The following ARHGAP15 variants were observed in gnomAD, a reference collection of about 807,000 sequenced individuals.
The protein encoded by ARHGAP15 is rho GTPase-activating protein 15.
In ARHGAP15, 51 loss-of-function variants were observed where a neutral mutation model predicts 63.7. That is an observed-to-expected ratio of 0.80 (90% CI 0.64 to 1.01). ARHGAP15 has a LOEUF of 1.01. Ranked by LOEUF, ARHGAP15 falls within the 50% of genes least tolerant of loss-of-function variation. The probability of loss-of-function intolerance (pLI) is 0.00; values close to 1 mark genes in which losing one functional copy is unlikely to be tolerated. For missense variants in ARHGAP15, 560 were observed against 564.6 expected (o/e 0.99, Z 0.08); for synonymous variants, 191 against 193.8 (o/e 0.99, Z 0.12).
intron 13 of ARHGAP15, among the ~76,000 whole-genome samples, chr2:143,723,678 TCAACTTAA>T (rs1685160397): frequency 6.6e-6 from 1 of 152,108 alleles, no homozygotes; most frequent in Admixed American, 6.5e-5. Context: ...CACACATCGG[TCAACTTAA>T]CAAAAACCAT....
intron 12 of ARHGAP15, chr2:143,656,296 A>G (rs760585535): frequency 6.6e-6 from 1 of 152,236 alleles, no homozygotes; most frequent in Non-Finnish European, 1.5e-5. Flanking sequence ...CCAACCTATC[A>G]GAGCTAACTA....
intron 12 of ARHGAP15, among the ~76,000 whole-genome samples, chr2:143,667,290 AATC>A (rs1682258410): frequency 1.3e-5 from 2 of 149,814 alleles, no homozygotes; most frequent in South Asian, 4.4e-4. Context: ...TGAAATTGGA[AATC>A]ATCATTCTCA....
rs565234948 is a variant in ARHGAP15, at chr2:143,364,533, A to G, written c.475-71068A>G. On this transcript the variant is annotated intron_variant, in intron 6 of 13. Transcript: ENST00000295095. ...TATGTGCTAGACAATTACAAGTATGATATTATAAGTACCAAGTAAATGCTG... is the reference window on the plus strand; with the variant it reads ...TATGTGCTAGACAATTACAAGTATGGTATTATAAGTACCAAGTAAATGCTG... Among the ~76,000 whole-genome samples, 4 of 152,342 alleles carry G rather than the reference A, an allele frequency of 2.6e-5. No individual in the cohort carries two copies. The East Asian group carries it at 5.8e-4, about 22-fold the overall frequency.
chr2:143,739,310 C>A (rs1158349314), intron 13 of ARHGAP15, among the ~76,000 whole-genome samples: 2 of 152,056 alleles, frequency 1.3e-5, no homozygotes, highest in Non-Finnish European at 2.9e-5. Flanking sequence ...AGATTCTGGT[C>A]CTCATGGGAA....
intron 6 of ARHGAP15, among the ~76,000 whole-genome samples, chr2:143,414,454 AT>A (rs1229229880): frequency 6.6e-6 from 1 of 152,130 alleles, no homozygotes; most frequent in African/African-American, 2.4e-5. Context: ...AATATTAATT[AT>A]TTTTAGGAAA....
chr2:143,425,478 A>G (rs962949762), intron 6 of ARHGAP15, among the ~76,000 whole-genome samples: 2 of 152,014 alleles, frequency 1.3e-5, no homozygotes, highest in East Asian at 3.9e-4. Flanking sequence ...CCTATATATC[A>G]TATATAGTGA....
intron 1 of ARHGAP15, among the ~76,000 whole-genome samples, chr2:143,153,938 C>T (rs916962293): frequency 1.4e-5 from 2 of 143,336 alleles, no homozygotes; most frequent in South Asian, 2.3e-4. Flanking sequence ...TTTCACTCAG[C>T]GGAATAGATT....
chr2:143,738,592 C>T (rs1007319991), intron 13 of ARHGAP15, among the ~76,000 whole-genome samples: 5 of 152,094 alleles, frequency 3.3e-5, no homozygotes, highest in South Asian at 4.1e-4. Context: ...TCTGTAGTCA[C>T]GATAATGTCA....
intron 8 of ARHGAP15, among the ~76,000 whole-genome samples, chr2:143,472,414 T>A (rs1691621812): frequency 1.3e-5 from 2 of 152,164 alleles, no homozygotes; most frequent in African/African-American, 2.4e-5. Context: ...GAATTGGGTA[T>A]GCAATGCGTC....
At chr2:143,169,331 C>G (rs1181003340) in intron 2 of ARHGAP15, among the ~76,000 whole-genome samples, 3 of 151,970 alleles carry the variant, frequency 2.0e-5, no homozygotes, top group Non-Finnish European at 4.4e-5. Context: ...AGCCAGGCCC[C>G]CTTCATGGGG....
chr2:143,149,246 C>T lies in ARHGAP15; in HGVS notation c.-14-6231C>T, dbSNP rs937408623. Among the ~76,000 whole-genome samples the T allele has an allele frequency of 2.0e-5, 3 of 151,988 alleles. No individual in the cohort carries two copies. The South Asian group carries it at 6.2e-4, about 31-fold the overall frequency. On this transcript the variant is annotated intron_variant, in intron 1 of 13. Coordinates refer to ENST00000295095, the MANE Select transcript of ARHGAP15 (RefSeq NM_018460.4). ...CATGTTTAGGCAGAGGGGACCTTCG[C>T]TCCTCGTGGTGGACCTTCGCTCCTC...
chr2:143,243,980 A>G (rs1373242047), intron 5 of ARHGAP15, among the ~76,000 whole-genome samples: 1 of 152,106 alleles, frequency 6.6e-6, no homozygotes, highest in East Asian at 1.9e-4. Context: ...CCAAATCTCT[A>G]TTAGCTTTGA....
At chr2:143,311,593 T>C (rs778832148) in intron 6 of ARHGAP15, among the ~76,000 whole-genome samples, 2 of 152,106 alleles carry the variant, frequency 1.3e-5, no homozygotes, top group Non-Finnish European at 2.9e-5. Context: ...CAAACAGCAA[T>C]ATGGGAGAGT....
At chr2:143,595,037 T>G (rs2105178275) in intron 11 of ARHGAP15, among the ~76,000 whole-genome samples, 1 of 152,276 alleles carries the variant, frequency 6.6e-6, no homozygotes, top group Admixed American at 6.5e-5. Flanking sequence ...TCAAGGCATA[T>G]TATAATCCAT....
intron 12 of ARHGAP15, among the ~76,000 whole-genome samples, chr2:143,694,073 G>A (rs746034576): frequency 4.6e-5 from 7 of 152,176 alleles, no homozygotes; most frequent in Admixed American, 2.6e-4. Context: ...TATACAGAAT[G>A]TGCAGGAAAG....
chr2:143,477,648 CA>C (rs1459212332), intron 8 of ARHGAP15, among the ~76,000 whole-genome samples: 7 of 150,298 alleles, frequency 4.7e-5, no homozygotes, highest in Admixed American at 1.3e-4. Context: ...AGTTGGAATT[CA>C]AAATCCAAAG....
Position 143,666,755 on chromosome 2 carries a change from C to T in ARHGAP15, c.1139-36664C>T, listed in dbSNP as rs578155588. 1.8e-4 allele frequency among the ~76,000 whole-genome samples: 26 copies of T among 144,304 alleles called. No individual in the cohort carries two copies. The East Asian group carries it at 4.8e-3, about 26-fold the overall frequency. The allele number at this position is 144,304 out of a possible 152,430, so 94.7% of individuals were successfully genotyped here. On this transcript the variant is annotated intron_variant, in intron 12 of 13. Transcript: ENST00000295095. ...ACAAACAACCCCATCAGAAAGTGGGCTAAGGACATGAACAGAGACTTCTCA... is the reference window on the plus strand; with the variant it reads ...ACAAACAACCCCATCAGAAAGTGGGTTAAGGACATGAACAGAGACTTCTCA...
chr2:143,594,068 A>G (rs375434115), intron 11 of ARHGAP15, among the ~76,000 whole-genome samples: 8 of 152,160 alleles, frequency 5.3e-5, no homozygotes, highest in Admixed American at 3.3e-4. Context: ...ATACATATAT[A>G]TGTGTGTGCA....
At chr2:143,408,647 TCA>T (rs1688315799) in intron 6 of ARHGAP15, among the ~76,000 whole-genome samples, 1 of 151,930 alleles carries the variant, frequency 6.6e-6, no homozygotes, top group African/African-American at 2.4e-5. Context: ...TTGAAATACA[TCA>T]GTATTGTGTA....
Sources: gnomAD v4.1 joint callset for allele counts (sites outside exome capture counted in the v4.1 genomes callset) on GRCh38, gnomAD v4.1.1 for gene constraint, MANE v1.5 for transcripts, NCBI Gene and HGNC (gene_info 2026-07-23, HGNC 2026-07-21) for gene names.